The following AP3D1 variants were observed in gnomAD, a reference collection of about 807,000 sequenced individuals.
AP3D1 encodes AP-3 complex subunit delta-1.
AP3D1 carries 51 observed loss-of-function variants against 147.6 expected under a neutral mutation model. That is an observed-to-expected ratio of 0.35 (90% CI 0.28 to 0.44). The LOEUF (loss-of-function observed/expected upper bound fraction) is 0.44. Among genes scored for constraint, AP3D1 ranks in the 20% least tolerant of loss-of-function variants. The probability of loss-of-function intolerance (pLI) is 1.00; values close to 1 mark genes in which losing one functional copy is unlikely to be tolerated. For synonymous variants in AP3D1, 760 were observed against 663.0 expected, an observed-to-expected ratio of 1.15 and a Z score of -2.25; for missense variants, 1,421 against 1,624.2, an observed-to-expected ratio of 0.87 and a Z score of 2.15.
At chr19:2,116,501 C>T in intron 17 of AP3D1, 104 bp downstream of exon 17, 1 of 1,417,746 alleles carries the variant, frequency 7.1e-7, no homozygotes. Context: ...GCCTCCACTG[C>T]CAGGGTCAGG....
At chr19:2,157,432 A>C in intron 1 of AP3D1, among the ~76,000 whole-genome samples, 1 of 93,948 alleles carries the variant, frequency 1.1e-5, no homozygotes, top group Non-Finnish European at 2.0e-5. Flanking sequence ...ACAGAGCGAG[A>C]CTCCGTCTCA....
At chr19:2,132,418 G>A (rs996575137) in intron 5 of AP3D1, 53 bp downstream of exon 5, 10 of 1,520,028 alleles carry the variant, frequency 6.6e-6, no homozygotes, top group South Asian at 1.2e-5. Context: ...CACTTTGACC[G>A]AGTTTTTCCC....
intron 1 of AP3D1, 95 bp downstream of exon 1, chr19:2,151,144 G>A (rs2019497940): frequency 4.1e-6 from 5 of 1,225,976 alleles, no homozygotes; most frequent in Admixed American, 2.4e-5. Context: ...ACAGAGCCCG[G>A]GCGGGCGGCA....
intron 1 of AP3D1, among the ~76,000 whole-genome samples, chr19:2,163,725 G>T (rs1191596498): frequency 2.0e-5 from 3 of 151,934 alleles, no homozygotes; most frequent in Admixed American, 6.6e-5. Flanking sequence ...GCCGGCGAGT[G>T]GGGGAAGGGG....
intron 31 of AP3D1, 61 bp from the exon 32 acceptor site, chr19:2,102,329 CAA>C: frequency 1.4e-6 from 2 of 1,449,654 alleles, no homozygotes; most frequent in Non-Finnish European, 1.9e-6. Context: ...CACGGTGGCT[CAA>C]GTCTGTGATC....
At chr19:2,144,556 C>T (rs990402189) in intron 1 of AP3D1, among the ~76,000 whole-genome samples, 2 of 152,212 alleles carry the variant, frequency 1.3e-5, no homozygotes, top group African/African-American at 4.8e-5. Context: ...AGTCCTGTAA[C>T]TTGCGGCCCC....
At chr19:2,115,100 G>A (rs1425264264) in intron 20 of AP3D1, 119 bp downstream of exon 20, 1 of 1,079,738 alleles carries the variant, frequency 9.3e-7, no homozygotes. Context: ...GCTCTCCGGG[G>A]TGGGGCCTCA....
chr19:2,114,084 A>G, intron 22 of AP3D1, 41 bp downstream of exon 22: 3 of 1,535,978 alleles, frequency 2.0e-6, no homozygotes, highest in Non-Finnish European at 2.6e-6. Flanking sequence ...ACGGCAAGGG[A>G]GGGGAATGGA....
chr19:2,123,667 C>A (rs1000562957), intron 10 of AP3D1, among the ~76,000 whole-genome samples, 163 bp downstream of exon 10: 1 of 152,204 alleles, frequency 6.6e-6, no homozygotes, highest in Non-Finnish European at 1.5e-5. Context: ...CCCAAGCAGG[C>A]TCGGGTAGGT....
upstream of AP3D1, among the ~76,000 whole-genome samples, chr19:2,151,934 T>A (rs1371535757): frequency 6.6e-6 from 1 of 152,208 alleles, no homozygotes; most frequent in Non-Finnish European, 1.5e-5. Flanking sequence ...AGACTGGAGC[T>A]CCGCCTTTCC....
At chr19:2,148,380 C>T (rs573215205) in intron 1 of AP3D1, among the ~76,000 whole-genome samples, 14 of 152,312 alleles carry the variant, frequency 9.2e-5, no homozygotes, top group Admixed American at 5.9e-4. Flanking sequence ...TACGTTTACA[C>T]GTACACACAA....
intron 1 of AP3D1, among the ~76,000 whole-genome samples, chr19:2,149,354 G>A (rs1213225116): frequency 6.6e-6 from 1 of 152,078 alleles, no homozygotes; most frequent in Non-Finnish European, 1.5e-5. Flanking sequence ...AGACCAGCCC[G>A]ACCAACATGG....
intron 1 of AP3D1, among the ~76,000 whole-genome samples, chr19:2,141,936 TTATA>T (rs1232146666): frequency 6.7e-6 from 1 of 149,652 alleles, no homozygotes; most frequent in Admixed American, 6.7e-5. Flanking sequence ...TTATATATAT[TTATA>T]TATATTTATT....
chr19:2,117,185 G>A, intron 16 of AP3D1, 37 bp downstream of exon 16: 5 of 1,553,342 alleles, frequency 3.2e-6, no homozygotes, highest in Non-Finnish European at 4.4e-6. Flanking sequence ...ACCATGTCAG[G>A]GCCATGGTTG....
Position 2,129,381 on chromosome 19 carries a change from C to T in AP3D1, c.669G>A (p.Pro223=), listed in dbSNP as rs547277700. ...RNPKNYLSLA[P]LFFKLMTSST... is the part of the protein sequence containing the mutation. ...AGGACGTCATCAGCTTGAAAAAGAG[C>T]GGGGCCAGGGACAGGTAGTTCTTAG... is the stretch of plus-strand genomic sequence containing the variant. The change falls in exon 7 of 32, where the codon CCG becomes CCA. Residue 223 remains proline, a synonymous_variant. Coordinates refer to ENST00000643116, the MANE Select transcript of AP3D1 (RefSeq NM_001261826.3). The T allele has an allele frequency of 5.0e-5, 81 of 1,614,086 alleles. 1 individual carries two copies. The highest frequency in any genetic ancestry group is 1.7e-4 in the Middle Eastern group (1 of 6,040).
At position 2,140,828 on chromosome 19, in the gene AP3D1, G is replaced by A. The variant is rs573369528; in HGVS notation, c.97-2114C>T. Among the ~76,000 whole-genome samples, 39 of 141,208 alleles carry A rather than the reference G, an allele frequency of 2.8e-4. 1 individual carries two copies. In the South Asian group the frequency reaches 6.5e-3, roughly 23 times the overall value. The allele number at this position is 141,208 out of a possible 152,430, so 92.6% of individuals were successfully genotyped here. ...GGCTGGAGTGCAGTGGCACAATCTC[G>A]GCTCACTGCAACCTTCACCTCCCAG... On this transcript the variant is annotated intron_variant, in intron 1 of 31. Coordinates refer to ENST00000643116, the MANE Select transcript of AP3D1 (RefSeq NM_001261826.3).
chr19:2,129,417 G>A lies in AP3D1; in HGVS notation c.633C>T (p.Ala211=), dbSNP rs1453311224. 6.2e-7 allele frequency: 1 copy of A among 1,613,974 alleles called. No individual in the cohort carries two copies. The highest frequency in any genetic ancestry group is 1.3e-5 in the African/African-American group (1 of 74,910). The change falls in exon 7 of 32, where the codon GCC becomes GCT. Residue 211 remains alanine (A), a synonymous_variant. Transcript: ENST00000643116. ...ACAGGTAGTTCTTAGGGTTGCGTCT[G>A]GCCAGCTCGCAGATGACATTGACGG... The part of the protein sequence containing the change: ...SAAVNVICEL[A]RRNPKNYLSL...
intron 31 of AP3D1, among the ~76,000 whole-genome samples, chr19:2,108,145 C>T (rs1038286411): frequency 3.3e-5 from 5 of 152,158 alleles, no homozygotes; most frequent in East Asian, 1.9e-4. Context: ...CTCTACTGCA[C>T]GTCTGATGAA....
At chr19:2,142,765 TTTC>T (rs1340271317) in intron 1 of AP3D1, among the ~76,000 whole-genome samples, 1 of 151,352 alleles carries the variant, frequency 6.6e-6, no homozygotes, top group Non-Finnish European at 1.5e-5. Flanking sequence ...GTTTTTTTTT[TTTC>T]TTTTTTTATT....
Sources: allele counts gnomAD v4.1 joint callset (sites outside exome capture counted in the v4.1 genomes callset), GRCh38; gene constraint gnomAD v4.1.1; transcripts MANE v1.5; gene names NCBI Gene and HGNC (gene_info 2026-07-23, HGNC 2026-07-21).